RNLS: variants seen among roughly 807,000 people sequenced by gnomAD.
RNLS encodes the protein renalase.
RNLS carries 39 observed loss-of-function variants against 39.8 expected under a neutral mutation model. The observed-to-expected ratio is 0.98, with a 90% CI of 0.76 to 1.28. The LOEUF (loss-of-function observed/expected upper bound fraction) is 1.28, where lower values mean the gene tolerates loss of function less well. Ranked by LOEUF, RNLS falls within the 50% of genes most tolerant of loss-of-function variation. The pLI is 0.00. For synonymous variants in RNLS, 147 were observed against 150.7 expected, an observed-to-expected ratio of 0.98 and a Z score of 0.18; for missense variants, 410 against 413.3, an observed-to-expected ratio of 0.99 and a Z score of 0.07.
At chr10:88,400,149 C>T (rs1852821614) in intron 4 of RNLS, among the ~76,000 whole-genome samples, 1 of 151,994 alleles carries the variant, frequency 6.6e-6, no homozygotes, top group Non-Finnish European at 1.5e-5. Flanking sequence ...TTAATCACAT[C>T]TATAAAGACC....
intron 4 of RNLS, among the ~76,000 whole-genome samples, chr10:88,500,978 T>C (rs1317576941): frequency 6.6e-6 from 1 of 151,020 alleles, no homozygotes; most frequent in Non-Finnish European, 1.5e-5. Context: ...TGTGTATATC[T>C]ATATATTTAT....
At chr10:88,292,824 A>G (rs550871008) in intron 6 of RNLS, among the ~76,000 whole-genome samples, 1 of 152,032 alleles carries the variant, frequency 6.6e-6, no homozygotes, top group East Asian at 1.9e-4. Flanking sequence ...CGGGTGGATC[A>G]TGAGGTCAGG....
rs1390204991 is a variant in RNLS, at chr10:88,524,960, C to CACAT, written c.526+47942_526+47943insATGT. Among the ~76,000 whole-genome samples the CACAT allele has an allele frequency of 2.1e-3, 190 of 88,872 alleles. 1 individual carries two copies. Among genetic ancestry groups the CACAT allele is most frequent in the Middle Eastern group, 7.0e-3 (1 of 142 alleles). 58.3% of individuals were successfully genotyped at this position (88,872 alleles called of 152,430 possible). On this transcript the variant is annotated intron_variant, in intron 4 of 6. Transcript: ENST00000331772. The stretch of plus-strand genomic sequence containing the variant: ...TATATATATATATGGCACACACATA[C>CACAT]ATATATATATATATATATATATATA...
the RNLS span, among the ~76,000 whole-genome samples, chr10:88,173,576 CA>C: frequency 6.6e-6 from 1 of 152,094 alleles, no homozygotes; most frequent in Non-Finnish European, 1.5e-5. Flanking sequence ...CTTTGGATAG[CA>C]TGCTCATTTT....
intron 4 of RNLS, among the ~76,000 whole-genome samples, chr10:88,506,057 TG>T (rs1262428089): frequency 6.6e-6 from 1 of 152,124 alleles, no homozygotes; most frequent in East Asian, 1.9e-4. Context: ...TCCCTCTAGA[TG>T]GCTCTGAAAT....
rs114970201 is a variant in RNLS at position 88,489,393 on chromosome 10, A to G, written c.526+83510T>C. Among the ~76,000 whole-genome samples the G allele has an allele frequency of 3.8e-3, 581 of 152,316 alleles. 2 individuals carry two copies. The highest frequency in any genetic ancestry group is 0.013 in the African/African-American group (540 of 41,588). On this transcript the variant is annotated intron_variant, in intron 4 of 6. Coordinates refer to ENST00000331772, the MANE Select transcript of RNLS (RefSeq NM_001031709.3). ...ACTGGCTGATTACCTATGTATTTCA[A>G]TGGCACTTTATCACCATGGTACCCA...
intron 5 of RNLS, among the ~76,000 whole-genome samples, chr10:88,334,345 C>A (rs1847330759): frequency 2.0e-5 from 3 of 152,130 alleles, no homozygotes; most frequent in Non-Finnish European, 2.9e-5. Context: ...TAAACTCTTT[C>A]CCAAAGATCT....
chr10:88,525,693 T>A (rs1035985265), intron 4 of RNLS, among the ~76,000 whole-genome samples: 1 of 152,112 alleles, frequency 6.6e-6, no homozygotes. Flanking sequence ...CAAATAGATA[T>A]TCACCCACAA....
At chr10:88,299,576 G>C (rs747073148) in intron 6 of RNLS, among the ~76,000 whole-genome samples, 3 of 152,226 alleles carry the variant, frequency 2.0e-5, no homozygotes, top group Non-Finnish European at 4.4e-5. Context: ...AGTGAGCCAA[G>C]ATTGTGCCAC....
At chr10:88,209,164 A>AT in the RNLS span, among the ~76,000 whole-genome samples, 1 of 152,124 alleles carries the variant, frequency 6.6e-6, no homozygotes, top group African/African-American at 2.4e-5. Context: ...TGAAAAAAAT[A>AT]TATTTGCTCT....
intron 4 of RNLS, among the ~76,000 whole-genome samples, chr10:88,567,866 TTTTC>T (rs776771448): frequency 5.9e-5 from 9 of 152,184 alleles, no homozygotes; most frequent in Non-Finnish European, 1.2e-4. Flanking sequence ...TTATTACCAG[TTTTC>T]TTTCTATTAG....
intron 4 of RNLS, among the ~76,000 whole-genome samples, chr10:88,538,710 A>T (rs1050954755): frequency 6.6e-6 from 1 of 152,124 alleles, no homozygotes; most frequent in Non-Finnish European, 1.5e-5. Flanking sequence ...AAGATTTAGG[A>T]GATGGTTTTA....
intron 6 of RNLS, among the ~76,000 whole-genome samples, chr10:88,303,394 G>A (rs1844676574): frequency 6.6e-6 from 1 of 152,304 alleles, no homozygotes; most frequent in African/African-American, 2.4e-5. Flanking sequence ...GGGCTATGCT[G>A]ACCTGAGCAC....
At chr10:88,343,831 G>A in intron 5 of RNLS, 1 of 984,940 alleles carries the variant, frequency 1.0e-6, no homozygotes, top group Non-Finnish European at 1.2e-6. Context: ...AAAACGAAAG[G>A]GTTTCAATAG....
At chr10:88,201,596 A>T in the RNLS span, among the ~76,000 whole-genome samples, 1 of 152,040 alleles carries the variant, frequency 6.6e-6, no homozygotes, top group East Asian at 1.9e-4. Context: ...TCAGAAATGG[A>T]TCCTCCAGTC....
At chr10:88,173,445 C>CA in the RNLS span, among the ~76,000 whole-genome samples, 1 of 152,188 alleles carries the variant, frequency 6.6e-6, no homozygotes, top group African/African-American at 2.4e-5. Context: ...TCTTTTTGCT[C>CA]AGTATTGCTT....
intron 6 of RNLS, among the ~76,000 whole-genome samples, chr10:88,300,511 A>G (rs909917387): frequency 6.6e-6 from 1 of 152,164 alleles, no homozygotes; most frequent in Non-Finnish European, 1.5e-5. Flanking sequence ...TGTCTCCCTC[A>G]TTTTGAAGGA....
At chr10:88,402,429 T>G (rs1852983291) in intron 4 of RNLS, among the ~76,000 whole-genome samples, 1 of 149,476 alleles carries the variant, frequency 6.7e-6, no homozygotes. Flanking sequence ...ATCATGTCTC[T>G]GGAAAAAAAA....
At position 88,451,159 on chromosome 10, in the gene RNLS, G is replaced by A. The variant is rs141923776; in HGVS notation, c.527-88434C>T. Among the ~76,000 whole-genome samples the A allele has an allele frequency of 1.2e-3, 180 of 152,278 alleles. 1 individual carries two copies. The highest frequency in any genetic ancestry group is 7.0e-3 in the South Asian group (34 of 4,824). On this transcript the variant is annotated intron_variant, in intron 4 of 6. Coordinates refer to ENST00000331772, the MANE Select transcript of RNLS (RefSeq NM_001031709.3). The stretch of plus-strand genomic sequence containing the variant: ...CTTCAGGACTTAAGCAGTCTGAGTG[G>A]CATTTGGGAAAGGATTCATTCATTA...
Sources: gnomAD v4.1 joint callset for allele counts (sites outside exome capture counted in the v4.1 genomes callset) on GRCh38, gnomAD v4.1.1 for gene constraint, MANE v1.5 for transcripts, NCBI Gene and HGNC (gene_info 2026-07-23, HGNC 2026-07-21) for gene names.